NCAM1: variants seen among roughly 807,000 people sequenced by gnomAD.
NCAM1 encodes the protein antigen recognized by monoclonal antibody 5.1H11.
Under a neutral mutation model 109.8 loss-of-function variants are expected in NCAM1, and 14 were observed. That is an observed-to-expected ratio of 0.13 (90% CI 0.08 to 0.20). The LOEUF is 0.20. NCAM1 is among the 10% of genes least tolerant of loss of function. NCAM1 has a pLI of 1.00. For synonymous variants in NCAM1, 418 were observed against 442.9 expected (o/e 0.94, Z 0.70); for missense variants, 774 against 1,109.9 (o/e 0.70, Z 4.30).
At chr11:112,989,874 C>A (rs942850871) in intron 1 of NCAM1, among the ~76,000 whole-genome samples, 1 of 152,206 alleles carries the variant, frequency 6.6e-6, no homozygotes, top group African/African-American at 2.4e-5. Flanking sequence ...TACCTTAATT[C>A]CTCTAAAGAT....
At chr11:113,024,211 T>C (rs1952475225) in intron 1 of NCAM1, among the ~76,000 whole-genome samples, 1 of 152,188 alleles carries the variant, frequency 6.6e-6, no homozygotes, top group African/African-American at 2.4e-5. Context: ...AAGGAGCAGT[T>C]TCAGTATCTC....
chr11:113,085,791 G>A (rs546790641), intron 1 of NCAM1, among the ~76,000 whole-genome samples: 29 of 152,208 alleles, frequency 1.9e-4, no homozygotes, highest in Admixed American at 4.6e-4. Flanking sequence ...AGTACTTTAC[G>A]GTTCTTAGTA....
chr11:113,197,421 T>C (rs1943889513), intron 1 of NCAM1, among the ~76,000 whole-genome samples: 1 of 152,240 alleles, frequency 6.6e-6, no homozygotes, highest in Non-Finnish European at 1.5e-5. Context: ...ATTTCTAGAA[T>C]GATAGCCAAC....
At position 113,255,909 on chromosome 11, in the gene NCAM1, A is replaced by G; in HGVS notation, c.1861A>G (p.Met621Val). Residue 621 changes from methionine (M) to valine (V), a missense_variant, in exon 16 of 20, where the codon ATG becomes GTG. Coordinates refer to ENST00000316851, the MANE Select transcript of NCAM1 (RefSeq NM_181351.5). ...EPSAPKLEGQ[M>V]GEDGNSIKVN... is the part of the protein sequence containing the mutation. Reference sequence around the variant, plus strand: ...CAGTGCACCTAAGCTCGAAGGGCAGATGGGAGAGGATGGAAACTCTATTAA... The same window carrying G: ...CAGTGCACCTAAGCTCGAAGGGCAGGTGGGAGAGGATGGAAACTCTATTAA... 2 of 1,612,148 alleles carry G rather than the reference A, an allele frequency of 1.2e-6. No homozygotes were observed. Among genetic ancestry groups the G allele is most frequent in the Non-Finnish European group, 1.7e-6 (2 of 1,179,332 alleles).
intron 1 of NCAM1, among the ~76,000 whole-genome samples, chr11:112,981,278 G>C (rs368309948): frequency 6.6e-5 from 10 of 151,886 alleles, no homozygotes; most frequent in African/African-American, 2.4e-4. Flanking sequence ...CAGAAGAAAA[G>C]TGTTTGGGTT....
Position 113,206,084 on chromosome 11 carries a change from G to A in NCAM1, c.532G>A (p.Gly178Ser), listed in dbSNP as rs1555112809. Residue 178 changes from glycine to serine, a missense_variant, in exon 5 of 20, where the codon GGC becomes AGC. This residue lies in a region of NCAM1 where 523 missense variants were observed against 784.2 expected (regional missense o/e 0.67). Transcript: ENST00000316851. The part of the protein sequence containing the change: ...VLSNNYLQIR[G>S]IKKTDEGTYR... ...GTCCAACAACTACCTGCAGATCCGGGGCATCAAGAAAACAGATGAGGGCAC... is the reference window on the plus strand; with the variant it reads ...GTCCAACAACTACCTGCAGATCCGGAGCATCAAGAAAACAGATGAGGGCAC... The A allele has an allele frequency of 2.5e-6, 4 of 1,613,868 alleles. No individual in the cohort carries two copies. The highest frequency in any genetic ancestry group is 1.7e-6 in the Non-Finnish European group (2 of 1,179,852).
intron 1 of NCAM1, among the ~76,000 whole-genome samples, chr11:113,125,089 A>G (rs1427856778): frequency 6.6e-6 from 1 of 152,244 alleles, no homozygotes; most frequent in African/African-American, 2.4e-5. Flanking sequence ...AATCGTAAGT[A>G]ATATGATTAG....
intron 14 of NCAM1, among the ~76,000 whole-genome samples, chr11:113,238,083 C>G (rs1555118655): frequency 6.6e-6 from 1 of 151,682 alleles, no homozygotes; most frequent in Non-Finnish European, 1.5e-5. Context: ...AAAAAGAGGT[C>G]TCCAGACCTT....
rs1004937881 is a variant in NCAM1, at chr11:113,196,152, A to C, written c.53-6227A>C. On this transcript the variant is annotated intron_variant, in intron 1 of 19. Coordinates refer to ENST00000316851, the MANE Select transcript of NCAM1 (RefSeq NM_181351.5). The stretch of plus-strand genomic sequence containing the variant: ...ACTGTCAGAGCTGGAATTTGAACTC[A>C]GATCTCCCTGACTCCAGATCCTGAG... Among the ~76,000 whole-genome samples the C allele has an allele frequency of 1.4e-3, 210 of 152,302 alleles. 5 individuals are homozygous for C. Among genetic ancestry groups the C allele is most frequent in the Admixed American group, 0.014 (207 of 15,286 alleles).
intron 14 of NCAM1, among the ~76,000 whole-genome samples, chr11:113,241,129 G>T (rs1945314507): frequency 6.6e-6 from 1 of 152,226 alleles, no homozygotes; most frequent in African/African-American, 2.4e-5. Context: ...AGGATTCTGA[G>T]TGGGCTGGAT....
At position 112,981,934 on chromosome 11, in the gene NCAM1, T is replaced by A. The variant is rs554920912; in HGVS notation, c.52+20270T>A. Among the ~76,000 whole-genome samples the A allele has an allele frequency of 2.0e-5, 3 of 151,828 alleles. No individual in the cohort carries two copies. In the South Asian group the frequency reaches 6.2e-4, roughly 32 times the overall value. On this transcript the variant is annotated intron_variant, in intron 1 of 19. Coordinates refer to ENST00000316851, the MANE Select transcript of NCAM1 (RefSeq NM_181351.5). The stretch of plus-strand genomic sequence containing the variant: ...GTGGCTCTCTTTTTTTTAGAATGAG[T>A]TCAGTATTTATTCAAGTAAACAATC...
At chr11:113,211,209 T>C (rs1426781488) in intron 7 of NCAM1, among the ~76,000 whole-genome samples, 6 of 152,228 alleles carry the variant, frequency 3.9e-5, no homozygotes, top group African/African-American at 1.2e-4. Flanking sequence ...CAACTTGCCA[T>C]TGTGGCCCAT....
chr11:112,996,453 G>A (rs1222861372), intron 1 of NCAM1, among the ~76,000 whole-genome samples: 2 of 152,126 alleles, frequency 1.3e-5, no homozygotes, highest in African/African-American at 2.4e-5. Context: ...TCACTGATAT[G>A]ACATAACGTA....
intron 1 of NCAM1, among the ~76,000 whole-genome samples, chr11:113,096,659 T>C (rs112989019): frequency 1.7e-4 from 26 of 152,270 alleles, no homozygotes; most frequent in African/African-American, 6.0e-4. Flanking sequence ...TTTTTCTGGA[T>C]TTTTTAACCT....
At chr11:113,118,265 C>T (rs1940795643) in intron 1 of NCAM1, among the ~76,000 whole-genome samples, 1 of 151,846 alleles carries the variant, frequency 6.6e-6, no homozygotes, top group South Asian at 2.1e-4. Flanking sequence ...TGTTCTTCAG[C>T]TGTGTCTGTC....
At chr11:113,060,774 G>T (rs1177444221) in intron 1 of NCAM1, among the ~76,000 whole-genome samples, 1 of 151,892 alleles carries the variant, frequency 6.6e-6, no homozygotes, top group Non-Finnish European at 1.5e-5. Context: ...TCATTTCCTT[G>T]GTGTGCCCCA....
chr11:112,980,966 T>C (rs1951139077), intron 1 of NCAM1, among the ~76,000 whole-genome samples: 1 of 151,856 alleles, frequency 6.6e-6, no homozygotes, highest in Non-Finnish European at 1.5e-5. Flanking sequence ...GCCGGTCTTC[T>C]AGGAGAGAGG....
At chr11:113,079,170 C>T (rs951388116) in intron 1 of NCAM1, among the ~76,000 whole-genome samples, 1 of 152,164 alleles carries the variant, frequency 6.6e-6, no homozygotes, top group East Asian at 1.9e-4. Context: ...CTTGAAGTTC[C>T]ACGAAATATA....
chr11:113,023,387 C>A (rs1555076595), intron 1 of NCAM1, among the ~76,000 whole-genome samples: 1 of 152,208 alleles, frequency 6.6e-6, no homozygotes, highest in Non-Finnish European at 1.5e-5. Context: ...AGCTCCGTGA[C>A]TTTTATAGCA....
Sources: gnomAD v4.1 joint callset for allele counts (sites outside exome capture counted in the v4.1 genomes callset) on GRCh38, gnomAD v4.1.1 for gene constraint, gnomAD v4.1.1 regional missense constraint, MANE v1.5 for transcripts, NCBI Gene and HGNC (gene_info 2026-07-23, HGNC 2026-07-21) for gene names.